CFAP61: variants seen among roughly 807,000 people sequenced by gnomAD.
CFAP61 encodes the protein cilia and flagella associated protein 61, also known as cilia- and flagella-associated protein 61.
CFAP61 carries 107 observed loss-of-function variants against 135.6 expected under a neutral mutation model. The ratio of observed to expected loss-of-function variants is 0.79; its 90% CI spans 0.67 to 0.93. The LOEUF (loss-of-function observed/expected upper bound fraction) is 0.93, where lower values mean the gene tolerates loss of function less well. CFAP61 is among the 40% of genes least tolerant of loss of function. The pLI is 0.00. For synonymous variants in CFAP61, 575 were observed against 578.5 expected (o/e 0.99, Z 0.09); for missense variants, 1,507 against 1,556.2 (o/e 0.97, Z 0.53).
chr20:20,064,432 C>A (rs575832073), intron 2 of CFAP61, among the ~76,000 whole-genome samples: 2 of 152,108 alleles, frequency 1.3e-5, no homozygotes, highest in Non-Finnish European at 2.9e-5. Flanking sequence ...CGTCACTACT[C>A]TTGCACTTTG....
intron 2 of CFAP61, 42 bp from the exon 3 acceptor site, chr20:20,070,812 T>G (rs778441785): frequency 7.6e-6 from 12 of 1,586,534 alleles, no homozygotes; most frequent in Non-Finnish European, 1.0e-5. Context: ...ACCTCACTTT[T>G]TGTAATCTTA....
chr20:20,225,894 G>A (rs1380151748), intron 17 of CFAP61: 2 of 152,198 alleles, frequency 1.3e-5, no homozygotes, highest in Admixed American at 6.5e-5. Context: ...TGGCACCCAG[G>A]TGAACCAGTA....
intron 25 of CFAP61, chr20:20,323,476 AT>A: frequency 4.2e-6 from 1 of 235,376 alleles, no homozygotes; most frequent in Non-Finnish European, 6.9e-6. Flanking sequence ...GTTCTTTATT[AT>A]TTTTAGCACG....
Position 20,344,198 on chromosome 20 carries a change from C to T in CFAP61, c.3513+2277C>T, listed in dbSNP as rs532627657. Among the ~76,000 whole-genome samples, 11 of 152,332 alleles carry T rather than the reference C, an allele frequency of 7.2e-5. No homozygotes were observed. In the East Asian group the frequency reaches 2.1e-3, roughly 29 times the overall value. The stretch of plus-strand genomic sequence containing the variant: ...TGGCCTCTGCCAGACCCTCCCATTC[C>T]TGCAGAACCGTGGCCAGCCGTCCCA... On this transcript the variant is annotated intron_variant, in intron 26 of 26. Coordinates refer to ENST00000245957, the MANE Select transcript of CFAP61 (RefSeq NM_015585.4).
chr20:20,084,277 C>G (rs1382965682), intron 6 of CFAP61, among the ~76,000 whole-genome samples: 1 of 152,178 alleles, frequency 6.6e-6, no homozygotes, highest in Non-Finnish European at 1.5e-5. Context: ...TGACAACATT[C>G]AGTTGTACAT....
chr20:20,118,249 G>A (rs1049200662), intron 8 of CFAP61, among the ~76,000 whole-genome samples: 2 of 128,956 alleles, frequency 1.6e-5, no homozygotes, highest in Admixed American at 7.9e-5. Context: ...TTATTTTGAG[G>A]TATGTTTCTT....
chr20:20,253,401 C>T (rs2051160840), intron 20 of CFAP61: 1 of 244,970 alleles, frequency 4.1e-6, no homozygotes, highest in Non-Finnish European at 8.2e-6. Flanking sequence ...TGTTCCTTTT[C>T]AATAAGGCTC....
At position 20,199,822 on chromosome 20, in the gene CFAP61, G is replaced by A. The variant is rs747883044; in HGVS notation, c.1852G>A (p.Val618Met). ...LTSALHYLVPVRPRRQIVYPL... is the reference protein window; with the variant it reads ...LTSALHYLVPMRPRRQIVYPL... ...ATCTGCCCTTCATTACTTGGTTCCC[G>A]TGCGACCACGACGACAGATTGTCTA... The change falls in exon 17 of 27, where the codon GTG becomes ATG. Residue 618 changes from valine to methionine, a missense_variant. Physicochemically the swap from Val to Met is conservative, Grantham distance 21. Coordinates refer to ENST00000245957, the MANE Select transcript of CFAP61 (RefSeq NM_015585.4). 56 of 1,613,934 alleles carry A rather than the reference G, an allele frequency of 3.5e-5. No individual in the cohort carries two copies. Among genetic ancestry groups the A allele is most frequent in the African/African-American group, 4.0e-5 (3 of 74,892 alleles).
chr20:20,203,386 GA>G (rs2056717584), intron 17 of CFAP61, among the ~76,000 whole-genome samples: 4 of 152,198 alleles, frequency 2.6e-5, no homozygotes, highest in Admixed American at 2.6e-4. Context: ...TTTACATTAG[GA>G]GAGTTACTCT....
At chr20:20,199,008 T>C (rs2056460282) in intron 16 of CFAP61, among the ~76,000 whole-genome samples, 1 of 152,224 alleles carries the variant, frequency 6.6e-6, no homozygotes. Context: ...TAAGATTTCA[T>C]AAATGTGACA....
intron 17 of CFAP61, among the ~76,000 whole-genome samples, chr20:20,219,866 T>G (rs528070719): frequency 6.6e-6 from 1 of 152,342 alleles, no homozygotes; most frequent in African/African-American, 2.4e-5. Flanking sequence ...CCTGAAACAC[T>G]TGTACCTTCC....
At chr20:20,296,405 T>TC (rs1392791276) in intron 24 of CFAP61, among the ~76,000 whole-genome samples, 1 of 114,410 alleles carries the variant, frequency 8.7e-6, no homozygotes, top group African/African-American at 3.2e-5. Flanking sequence ...CTGCCTTCCT[T>TC]CTTTCTTTCT....
chr20:20,203,971 C>T (rs1601385371), intron 17 of CFAP61, among the ~76,000 whole-genome samples: 1 of 152,298 alleles, frequency 6.6e-6, no homozygotes, highest in East Asian at 1.9e-4. Context: ...GCACTGCTTC[C>T]TTTCCAGGAA....
intron 8 of CFAP61, among the ~76,000 whole-genome samples, chr20:20,102,102 G>A (rs8120749): frequency 0.32 from 48,629 of 152,040 alleles, 8,289 homozygotes; most frequent in East Asian, 0.68. Flanking sequence ...AGGCCACTCT[G>A]ACCTATGCAG....
intron 13 of CFAP61, chr20:20,172,317 A>G (rs950581035): frequency 2.2e-6 from 2 of 894,930 alleles, no homozygotes; most frequent in African/African-American, 3.1e-5. Context: ...GTTTTAATTA[A>G]TAAACTTTTT....
chr20:20,176,269 T>C (rs904168820), intron 13 of CFAP61, among the ~76,000 whole-genome samples: 2 of 152,116 alleles, frequency 1.3e-5, no homozygotes, highest in Non-Finnish European at 2.9e-5. Context: ...TGTAAATTAG[T>C]CCAACCATTG....
chr20:20,301,088 T>G (rs1334452479), intron 25 of CFAP61, among the ~76,000 whole-genome samples: 1 of 152,202 alleles, frequency 6.6e-6, no homozygotes, highest in Admixed American at 6.5e-5. Flanking sequence ...ATATCTTCGG[T>G]ATTGTATGAT....
At chr20:20,174,838 G>A (rs189164617) in intron 13 of CFAP61, among the ~76,000 whole-genome samples, 14 of 152,330 alleles carry the variant, frequency 9.2e-5, no homozygotes, top group Admixed American at 7.8e-4. Context: ...GGAAATGTGA[G>A]AGTGGGAGTG....
At chr20:20,194,621 G>C (rs182622168) in intron 15 of CFAP61, among the ~76,000 whole-genome samples, 3 of 152,290 alleles carry the variant, frequency 2.0e-5, no homozygotes, top group Admixed American at 6.5e-5. Context: ...TGGGTGGCTG[G>C]CATGGGTATC....
Sources: allele counts gnomAD v4.1 joint callset (sites outside exome capture counted in the v4.1 genomes callset), GRCh38; gene constraint gnomAD v4.1.1; transcripts MANE v1.5; gene names NCBI Gene and HGNC (gene_info 2026-07-23, HGNC 2026-07-21).